Variants in LRFN5 observed in about 807,000 individuals in gnomAD.
LRFN5 encodes the protein leucine-rich repeat and fibronectin type-III domain-containing protein 5.
In LRFN5, 24 loss-of-function variants were observed where a neutral mutation model predicts 45.6. That is an observed-to-expected ratio of 0.53 (90% confidence interval 0.38 to 0.74). The LOEUF is 0.74. Among genes scored for constraint, LRFN5 ranks in the 30% least tolerant of loss-of-function variants. The probability of loss-of-function intolerance (pLI) is 0.00; values close to 1 mark genes in which losing one functional copy is unlikely to be tolerated. For missense variants in LRFN5, 776 were observed against 861.5 expected (o/e 0.90, Z 1.24); for synonymous variants, 340 against 313.8 (o/e 1.08, Z -0.88).
chr14:41,848,112 C>T (rs1196986738), intron 2 of LRFN5, among the ~76,000 whole-genome samples: 1 of 152,000 alleles, frequency 6.6e-6, no homozygotes, highest in Non-Finnish European at 1.5e-5. Context: ...GGAAGAACCC[C>T]AGTTTAATCA....
intron 2 of LRFN5, among the ~76,000 whole-genome samples, chr14:41,882,122 A>G (rs997347143): frequency 3.9e-5 from 6 of 152,216 alleles, no homozygotes; most frequent in Admixed American, 2.0e-4. Flanking sequence ...TTACAGATGA[A>G]TCTTTTGATT....
chr14:41,666,807 A>G (rs1219737633), intron 1 of LRFN5, among the ~76,000 whole-genome samples: 2 of 152,128 alleles, frequency 1.3e-5, no homozygotes, highest in African/African-American at 4.8e-5. Flanking sequence ...AAGAGAGATG[A>G]GAAGTGCTAG....
intron 2 of LRFN5, among the ~76,000 whole-genome samples, chr14:41,785,994 C>T (rs1324479410): frequency 6.6e-6 from 1 of 151,974 alleles, no homozygotes. Context: ...GAACAGGCCA[C>T]TGACTGGCAT....
chr14:41,839,348 GA>G (rs1033348335), intron 2 of LRFN5, among the ~76,000 whole-genome samples: 1 of 151,998 alleles, frequency 6.6e-6, no homozygotes, highest in Non-Finnish European at 1.5e-5. Flanking sequence ...ACTTCTTAAT[GA>G]AAGATGAAAT....
intron 1 of LRFN5, among the ~76,000 whole-genome samples, chr14:41,761,988 G>T (rs1594685682): frequency 6.6e-6 from 1 of 151,882 alleles, no homozygotes; most frequent in East Asian, 1.9e-4. Context: ...GGTTTTCACT[G>T]AATCAGTTAT....
intron 1 of LRFN5, among the ~76,000 whole-genome samples, chr14:41,617,275 A>C (rs1887960355): frequency 6.6e-6 from 1 of 152,110 alleles, no homozygotes; most frequent in African/African-American, 2.4e-5. Context: ...TACTCTATGC[A>C]CTAACCCTAT....
intron 2 of LRFN5, among the ~76,000 whole-genome samples, chr14:41,811,243 T>C (rs940377326): frequency 6.6e-6 from 1 of 152,092 alleles, no homozygotes; most frequent in Middle Eastern, 3.4e-3. Flanking sequence ...TCCTCTAAGA[T>C]GACTACAATA....
intron 1 of LRFN5, among the ~76,000 whole-genome samples, chr14:41,709,865 A>G (rs913643764): frequency 1.3e-5 from 2 of 152,068 alleles, no homozygotes; most frequent in African/African-American, 4.8e-5. Context: ...TAAAAATTCA[A>G]AGGAAAATAA....
intron 2 of LRFN5, among the ~76,000 whole-genome samples, chr14:41,858,259 A>G (rs1291973851): frequency 6.6e-6 from 1 of 151,654 alleles, no homozygotes; most frequent in Non-Finnish European, 1.5e-5. Context: ...ACCCTTTACC[A>G]CTCTCTCCAA....
intron 2 of LRFN5, among the ~76,000 whole-genome samples, chr14:41,853,696 G>GA (rs1889353545): frequency 6.6e-6 from 1 of 151,962 alleles, no homozygotes; most frequent in Admixed American, 6.6e-5. Flanking sequence ...GATATATTTG[G>GA]AAAAAATAAC....
Position 41,886,784 on chromosome 14 carries a change from T to C in LRFN5, c.159T>C (p.Thr53=), listed in dbSNP as rs1312671745. ...LFVPPNIDRR[T]VELRLADNFV... Reference sequence around the variant, plus strand: ...TTCCACCAAACATTGACAGAAGAACTGTGGAACTGCGGTTGGCAGACAATT... The same window carrying C: ...TTCCACCAAACATTGACAGAAGAACCGTGGAACTGCGGTTGGCAGACAATT... Residue 53 remains threonine (T), a synonymous_variant, in exon 3 of 6, where the codon ACT becomes ACC. Transcript: ENST00000298119. 4 of 1,614,006 alleles carry C rather than the reference T, an allele frequency of 2.5e-6. No individual in the cohort carries two copies. The highest frequency in any genetic ancestry group is 3.4e-6 in the Non-Finnish European group (4 of 1,180,022).
At chr14:41,846,214 G>GACACACACACAC (rs61090774) in intron 2 of LRFN5, among the ~76,000 whole-genome samples, 1 of 150,382 alleles carries the variant, frequency 6.6e-6, no homozygotes, top group Non-Finnish European at 1.5e-5. Context: ...TGTTTACACA[G>GACACACACACAC]ACACACACAC....
chr14:41,708,828 T>G (rs1217126611), intron 1 of LRFN5, among the ~76,000 whole-genome samples: 1 of 152,002 alleles, frequency 6.6e-6, no homozygotes, highest in African/African-American at 2.4e-5. Flanking sequence ...TCAATATTCT[T>G]CATAGATAGC....
At chr14:41,826,270 A>G (rs1888291586) in intron 2 of LRFN5, among the ~76,000 whole-genome samples, 1 of 152,184 alleles carries the variant, frequency 6.6e-6, no homozygotes, top group African/African-American at 2.4e-5. Flanking sequence ...ATACTTTAAA[A>G]GTGACTTTCT....
intron 1 of LRFN5, among the ~76,000 whole-genome samples, chr14:41,655,108 G>A (rs749229457): frequency 8.5e-5 from 13 of 152,078 alleles, no homozygotes; most frequent in Middle Eastern, 6.8e-3. Flanking sequence ...CATCTGGTTT[G>A]TGACCTATAC....
intron 1 of LRFN5, among the ~76,000 whole-genome samples, chr14:41,612,019 C>A (rs987886508): frequency 6.6e-6 from 1 of 152,114 alleles, no homozygotes; most frequent in African/African-American, 2.4e-5. Flanking sequence ...TTTTATCACT[C>A]TTTCATCTTT....
chr14:41,768,227 G>A (rs897816048), intron 2 of LRFN5, among the ~76,000 whole-genome samples: 1 of 152,094 alleles, frequency 6.6e-6, no homozygotes, highest in Admixed American at 6.5e-5. Flanking sequence ...GAATCATGAT[G>A]TATCTAATTA....
At chr14:41,734,502 C>T (rs1386075407) in intron 1 of LRFN5, among the ~76,000 whole-genome samples, 9 of 150,440 alleles carry the variant, frequency 6.0e-5, no homozygotes, top group Non-Finnish European at 1.3e-4. Context: ...TTTCCATTTG[C>T]ATGGAATACC....
intron 1 of LRFN5, among the ~76,000 whole-genome samples, chr14:41,757,362 C>T (rs1340320814): frequency 6.6e-6 from 1 of 152,222 alleles, no homozygotes; most frequent in Admixed American, 6.5e-5. Flanking sequence ...GAGGTGAAGT[C>T]TACAGAGGCA....
Sources: gnomAD v4.1 joint callset for allele counts (sites outside exome capture counted in the v4.1 genomes callset) on GRCh38, gnomAD v4.1.1 for gene constraint, MANE v1.5 for transcripts, NCBI Gene and HGNC (gene_info 2026-07-23, HGNC 2026-07-21) for gene names.